GRIN1: variants seen among roughly 807,000 people sequenced by gnomAD.
GRIN1 encodes glutamate ionotropic receptor NMDA type subunit 1.
Under a neutral mutation model 103.0 loss-of-function variants are expected in GRIN1, and 38 were observed. The observed-to-expected ratio is 0.37, with a 90% confidence interval of 0.28 to 0.48. The LOEUF (loss-of-function observed/expected upper bound fraction) is 0.48, where lower values mean the gene tolerates loss of function less well. Among genes scored for constraint, GRIN1 ranks in the 20% least tolerant of loss-of-function variants. The pLI is 0.98. For missense variants in GRIN1, 577 were observed against 1,288.9 expected (o/e 0.45, Z 8.46); for synonymous variants, 544 against 532.7 (o/e 1.02, Z -0.29).
chr9:137,153,777 A>G (rs539937076), intron 4 of GRIN1, among the ~76,000 whole-genome samples: 1 of 152,160 alleles, frequency 6.6e-6, no homozygotes, highest in South Asian at 2.1e-4. Context: ...TACACTGACC[A>G]CAGCACACAT....
intron 2 of GRIN1, among the ~76,000 whole-genome samples, chr9:137,144,096 G>T (rs1020753585): frequency 6.6e-6 from 1 of 152,222 alleles, no homozygotes; most frequent in Non-Finnish European, 1.5e-5. Context: ...TCTTCGAGGC[G>T]CTATGTGTCA....
chr9:137,162,784 G>T (rs1393110035), intron 14 of GRIN1, 45 bp downstream of exon 14: 1 of 1,602,092 alleles, frequency 6.2e-7, no homozygotes, highest in Non-Finnish European at 8.5e-7. Flanking sequence ...GGTGAGCTGG[G>T]GTCGGCCTCG....
chr9:137,139,792 C>T lies in GRIN1; in HGVS notation c.258+48C>T. On this transcript the variant is annotated intron_variant, in intron 1 of 19. Transcript: ENST00000371561. This position sits in a 1 kb window ranked among gnomAD's most constrained non-coding sequence, Gnocchi z 7.7. The stretch of plus-strand genomic sequence containing the variant: ...CCCACCTCCCCTCTCCTCCATCCTG[C>T]AACCCCACACCCCCAGTTTCATTCC... 1 of 1,398,674 alleles carries T rather than the reference C, an allele frequency of 7.1e-7. No homozygotes were observed. Among genetic ancestry groups the T allele is most frequent in the Non-Finnish European group, 1.0e-6 (1 of 984,236 alleles). The allele number at this position is 1,398,674 out of a possible 1,614,324, so 86.6% of individuals were successfully genotyped here. A position where few individuals can be genotyped will look rare whatever the true frequency, so the allele number is the denominator to read the frequency against.
chr9:137,157,074 CT>C, intron 6 of GRIN1, 37 bp downstream of exon 6: 7 of 965,234 alleles, frequency 7.3e-6, no homozygotes, highest in African/African-American at 1.9e-5. Flanking sequence ...CGGGGCTGCT[CT>C]TGGGGAGGTG....
chr9:137,145,436 T>C (rs1438100551), intron 2 of GRIN1, among the ~76,000 whole-genome samples: 5 of 75,322 alleles, frequency 6.6e-5, no homozygotes, highest in South Asian at 5.0e-4. Flanking sequence ...AGGGATGGGA[T>C]GGGAGACACG....
intron 3 of GRIN1, among the ~76,000 whole-genome samples, chr9:137,147,936 G>A (rs937820054): frequency 6.6e-5 from 10 of 152,138 alleles, no homozygotes; most frequent in Non-Finnish European, 1.3e-4. Flanking sequence ...CAGCTTCGTG[G>A]CAGGGAGCCT....
chr9:137,142,308 C>G (rs1175217362), intron 2 of GRIN1, among the ~76,000 whole-genome samples, 161 bp downstream of exon 2: 1 of 152,242 alleles, frequency 6.6e-6, no homozygotes, highest in Non-Finnish European at 1.5e-5. Context: ...CTCACGTGTC[C>G]AACTCACACA....
At chr9:137,150,613 G>T (rs891124798) in intron 4 of GRIN1, among the ~76,000 whole-genome samples, 9 of 118,612 alleles carry the variant, frequency 7.6e-5, no homozygotes, top group African/African-American at 3.0e-4. Context: ...CCAGATAAAA[G>T]CCCGCCCAGG....
chr9:137,143,932 T>C (rs568016975), intron 2 of GRIN1, among the ~76,000 whole-genome samples: 3 of 152,302 alleles, frequency 2.0e-5, no homozygotes, highest in South Asian at 2.1e-4. Flanking sequence ...GCCACGGCAC[T>C]CCGTGGCAGC....
intron 4 of GRIN1, among the ~76,000 whole-genome samples, chr9:137,151,709 A>T (rs1266078201): frequency 6.6e-6 from 1 of 152,206 alleles, no homozygotes; most frequent in East Asian, 1.9e-4. Context: ...TTTGTCACCC[A>T]GGCTGGAGTG....
intron 3 of GRIN1, among the ~76,000 whole-genome samples, chr9:137,147,042 C>CACCCCCAGCGCCCGACAGGCCCCT: frequency 1.2e-5 from 1 of 84,958 alleles, no homozygotes; most frequent in Non-Finnish European, 2.3e-5. Flanking sequence ...ACAGGCCCCT[C>CACCCCCAGCGCCCGACAGGCCCCT]CCCCCCAGCA....
chr9:137,156,763 G>T lies in GRIN1; in HGVS notation c.766G>T (p.Gly256Trp). Residue 256 changes from glycine to tryptophan, a missense_variant, in exon 5 of 20, where the codon GGG (glycine) becomes TGG (tryptophan). Gly to Trp is a radical substitution (Grantham distance 184, BLOSUM62 -2). This residue lies in a region of GRIN1 where 308 missense variants were observed against 553.6 expected (regional missense o/e 0.56). Transcript: ENST00000371561. ...GCTGGTCGGCGAGCGCGAGATCTCG[G>T]GGAACGCCCTGCGCTACGCCCCAGA... ...VWLVGEREIS[G>W]NALRYAPDGI... 1 of 1,589,310 alleles carries T rather than the reference G, an allele frequency of 6.3e-7. No homozygotes were observed.
rs545818454 is a variant in GRIN1 at position 137,148,007 on chromosome 9, G to A, written c.571-1002G>A. The A allele has an allele frequency of 6.0e-4, 240 of 397,708 alleles. 1 individual carries two copies. In the East Asian group the frequency reaches 0.012, roughly 20 times the overall value. The allele number at this position is 397,708 out of a possible 1,614,324, so 24.6% of individuals were successfully genotyped here. On this transcript the variant is annotated intron_variant, in intron 3 of 19. Transcript: ENST00000371561. ...CCACCCCGGCCCCCAGCCCCGCCCC[G>A]GGCCTCGGTGTTTGCGAGCTCCAGG...
In GRIN1 at chr9:137,163,535, A is replaced by G. The variant is rs752250161; in HGVS notation, c.2334-24A>G. 2.6e-6 allele frequency: 4 copies of G among 1,513,564 alleles called. 1 individual carries two copies. The South Asian group carries it at 4.5e-5, about 17-fold the overall frequency. The allele number at this position is 1,513,564 out of a possible 1,614,324, so 93.8% of individuals were successfully genotyped here. A position where few individuals can be genotyped will look rare whatever the true frequency, so the allele number is the denominator to read the frequency against. ...CCCGTCCTGGGCCCCGCCTCACTGC[A>G]GGCTCACTTGTTCCCACCGCCAGGT... On this transcript the variant is annotated intron_variant, in intron 16 of 19. Coordinates refer to ENST00000371561, the MANE Select transcript of GRIN1 (RefSeq NM_007327.4).
At position 137,149,074 on chromosome 9, in the gene GRIN1, A is replaced by C; in HGVS notation, c.636A>C (p.Lys212Asn). 6.2e-7 allele frequency: 1 copy of C among 1,613,250 alleles called. No individual in the cohort carries two copies. The highest frequency in any genetic ancestry group is 8.5e-7 in the Non-Finnish European group (1 of 1,179,506). ...KNVTALLMEA[K>N]ELEARVIILS... ...TGACGGCCCTGCTGATGGAGGCGAAAGAGCTGGAGGCCCGGGTCATCATCC... is the reference window on the plus strand; with the variant it reads ...TGACGGCCCTGCTGATGGAGGCGAACGAGCTGGAGGCCCGGGTCATCATCC... The change falls in exon 4 of 20, where the codon AAA becomes AAC. Residue 212 changes from lysine (K) to asparagine (N), a missense_variant. This residue lies in a region of GRIN1 where 308 missense variants were observed against 553.6 expected (regional missense o/e 0.56). Transcript: ENST00000371561.
In GRIN1 at chr9:137,165,418, C is replaced by T. The variant is rs995091162; in HGVS notation, c.2700+122C>T. ...TGTGGCCCACTCTGCCCCTGTCTCC[C>T]TGTGGCGGCCGCTCTGCCCAGCCCG... On this transcript the variant is annotated intron_variant, in intron 19 of 19. Transcript: ENST00000371561. The T allele has an allele frequency of 1.3e-4, 97 of 727,770 alleles. No homozygotes were observed. The East Asian group carries it at 2.5e-3, about 19-fold the overall frequency. The allele number at this position is 727,770 out of a possible 1,614,324, so 45.1% of individuals were successfully genotyped here.
At chr9:137,165,448 T>C (rs1833818997) in intron 19 of GRIN1, 152 bp downstream of exon 19, 1 of 685,176 alleles carries the variant, frequency 1.5e-6, no homozygotes, top group Non-Finnish European at 2.7e-6. Flanking sequence ...AGCCCGCCCA[T>C]GCTGCTCTCT....
intron 1 of GRIN1, among the ~76,000 whole-genome samples, chr9:137,140,336 C>T (rs1832099468): frequency 1.3e-5 from 2 of 152,168 alleles, no homozygotes; most frequent in Admixed American, 1.3e-4. Flanking sequence ...GGGATTTTGC[C>T]TGTCGGAGCT....
At position 137,163,241 on chromosome 9, in the gene GRIN1, G is replaced by A. The variant is rs79570612; in HGVS notation, c.2244G>A (p.Thr748=). ...CCTCGCAGAAGTGCGACCTGGTGAC[G>A]ACTGGAGAGCTGTTTTTCCGCTCGG... is the stretch of plus-strand genomic sequence containing the variant. The part of the protein sequence containing the change: ...FEASQKCDLV[T]TGELFFRSGF... The change falls in exon 16 of 20, where the codon ACG becomes ACA. Residue 748 remains threonine (T), a synonymous_variant. Transcript: ENST00000371561. 10 of 1,613,722 alleles carry A rather than the reference G, an allele frequency of 6.2e-6. No homozygotes were observed. The highest frequency in any genetic ancestry group is 1.3e-5 in the African/African-American group (1 of 75,030).
Sources: gnomAD v4.1 joint callset for allele counts (sites outside exome capture counted in the v4.1 genomes callset) on GRCh38, gnomAD v4.1.1 for gene constraint, gnomAD v4.1.1 regional missense constraint, Gnocchi (gnomAD v3.1) non-coding constraint, MANE v1.5 for transcripts, NCBI Gene and HGNC (gene_info 2026-07-23, HGNC 2026-07-21) for gene names.